The following IL1RAPL1 variants were observed in gnomAD, a reference collection of about 807,000 sequenced individuals.
IL1RAPL1 encodes interleukin-1 receptor accessory protein-like 1.
A neutral mutation model predicts 48.4 loss-of-function variants in IL1RAPL1; 3 were observed. The observed-to-expected ratio is 0.06, with a 90% CI of 0.03 to 0.16. IL1RAPL1 has a LOEUF of 0.16. IL1RAPL1 is among the 10% of genes least tolerant of loss of function. The probability of loss-of-function intolerance (pLI) is 1.00; values close to 1 mark genes in which losing one functional copy is unlikely to be tolerated. For missense variants in IL1RAPL1, 349 were observed against 530.6 expected, an observed-to-expected ratio of 0.66 and a Z score of 3.36; for synonymous variants, 185 against 187.7, an observed-to-expected ratio of 0.99 and a Z score of 0.12.
At chrX:29,246,468 G>A (rs1172877817) in intron 2 of IL1RAPL1, among the ~76,000 whole-genome samples, 2 of 110,612 alleles carry the variant, frequency 1.8e-5, no homozygotes, top group African/African-American at 6.6e-5. Flanking sequence ...CAGCTGATGA[G>A]GGGATTTTCA....
At chrX:29,492,522 A>G (rs1454208079) in intron 5 of IL1RAPL1, among the ~76,000 whole-genome samples, 1 of 111,491 alleles carries the variant, frequency 9.0e-6, no homozygotes, top group Non-Finnish European at 1.9e-5. Flanking sequence ...TCCTTGGCTC[A>G]TGGTCCCTTC....
At chrX:28,677,925 A>G (rs1168149401) in intron 1 of IL1RAPL1, among the ~76,000 whole-genome samples, 1 of 111,196 alleles carries the variant, frequency 9.0e-6, no homozygotes, top group Non-Finnish European at 1.9e-5. Context: ...GAAGTTGCAG[A>G]GCAATGTCAT....
chrX:29,379,612 C>T (rs1933668448), intron 3 of IL1RAPL1, among the ~76,000 whole-genome samples: 1 of 111,574 alleles, frequency 9.0e-6, no homozygotes, highest in African/African-American at 3.3e-5. Context: ...GTGGGCAGTC[C>T]CACAGCTTCT....
intron 2 of IL1RAPL1, among the ~76,000 whole-genome samples, chrX:29,133,322 G>C (rs985221320): frequency 1.8e-5 from 2 of 111,862 alleles, no homozygotes; most frequent in Non-Finnish European, 3.8e-5. Context: ...GGGAAACAAG[G>C]ACCCTGAAGG....
At chrX:29,822,459 C>CT (rs1171309110) in intron 6 of IL1RAPL1, among the ~76,000 whole-genome samples, 1,080 of 103,566 alleles carry the variant, frequency 0.01, 8 homozygotes, top group Middle Eastern at 0.015. Context: ...CAGATATACA[C>CT]TTTTTTTTTT....
intron 6 of IL1RAPL1, 32 bp from the exon 7 acceptor site, chrX:29,917,432 T>C (rs905665357): frequency 1.7e-6 from 2 of 1,199,161 alleles, no homozygotes; most frequent in African/African-American, 3.5e-5. Context: ...ACAAATAGTT[T>C]TATAACACTT....
At chrX:28,681,538 T>C (rs1292316088) in intron 1 of IL1RAPL1, among the ~76,000 whole-genome samples, 1 of 111,204 alleles carries the variant, frequency 9.0e-6, no homozygotes, top group Non-Finnish European at 1.9e-5. Flanking sequence ...GTTCAAAGGG[T>C]ACAATGTTTT....
chrX:29,512,518 C>T (rs940464407), intron 5 of IL1RAPL1, among the ~76,000 whole-genome samples: 4 of 80,288 alleles, frequency 5.0e-5, no homozygotes, highest in African/African-American at 1.3e-4. Flanking sequence ...TGTCAAATCT[C>T]GTTAATATTT....
At chrX:29,319,364 A>ATTTTTTT (rs762918998) in intron 3 of IL1RAPL1, among the ~76,000 whole-genome samples, 618 of 58,093 alleles carry the variant, frequency 0.011, 65 homozygotes, top group African/African-American at 0.042. Context: ...GATAAATTTA[A>ATTTTTTT]TTTTTTTTTT....
At chrX:29,618,234 T>C (rs1227631291) in intron 5 of IL1RAPL1, among the ~76,000 whole-genome samples, 2 of 112,106 alleles carry the variant, frequency 1.8e-5, no homozygotes, top group Non-Finnish European at 1.9e-5. Flanking sequence ...AGCCTTTAGG[T>C]TTTCTTCCCT....
chrX:28,984,810 A>G (rs923823042), intron 2 of IL1RAPL1, among the ~76,000 whole-genome samples: 1 of 112,012 alleles, frequency 8.9e-6, no homozygotes, highest in Non-Finnish European at 1.9e-5. Flanking sequence ...TGGGGGCTAT[A>G]TATTAGAATC....
intron 5 of IL1RAPL1, among the ~76,000 whole-genome samples, chrX:29,533,622 T>C (rs1008782859): frequency 6.3e-5 from 7 of 111,711 alleles, no homozygotes; most frequent in African/African-American, 2.3e-4. Context: ...AGGAGTGGAA[T>C]TGTTGGGTCA....
intron 6 of IL1RAPL1, among the ~76,000 whole-genome samples, chrX:29,719,743 C>CAAAAAA (rs372308075): frequency 9.1e-5 from 2 of 21,894 alleles, no homozygotes; most frequent in Non-Finnish European, 2.1e-4. Context: ...GAAAGATGAG[C>CAAAAAA]AAAAAAAAAA....
intron 6 of IL1RAPL1, among the ~76,000 whole-genome samples, chrX:29,776,655 A>G (rs1431217098): frequency 3.6e-5 from 4 of 112,026 alleles, no homozygotes; most frequent in Non-Finnish European, 7.5e-5. Context: ...AGAAAGTTAA[A>G]GGATACTTGG....
chrX:29,379,386 C>T, intron 3 of IL1RAPL1, among the ~76,000 whole-genome samples: 1 of 112,125 alleles, frequency 8.9e-6, no homozygotes, highest in Non-Finnish European at 1.9e-5. Context: ...TCAGTTGGGC[C>T]TAGAGATTCT....
In IL1RAPL1 at chrX:28,831,026, CTG is replaced by C. The variant is rs57923954; in HGVS notation, c.82+41651_82+41652del. On this transcript the variant is annotated intron_variant, in intron 2 of 10. Coordinates refer to ENST00000378993, the MANE Select transcript of IL1RAPL1 (RefSeq NM_014271.4). ...TCTCTCTCTCTCTCTCTCTCTCTCT[CTG>C]TGTGTGTGTGTGTGTGTGTGTGTGT... 9.1e-3 allele frequency among the ~76,000 whole-genome samples: 306 copies of C among 33,558 alleles called. 3 individuals carry two copies. The highest frequency in any genetic ancestry group is 0.02 in the African/African-American group (132 of 6,591). The allele number at this position is 33,558 out of a possible 115,157, so 29.1% of individuals were successfully genotyped here.
chrX:29,759,286 C>G (rs1928698141), intron 6 of IL1RAPL1, among the ~76,000 whole-genome samples: 1 of 111,865 alleles, frequency 8.9e-6, no homozygotes, highest in Non-Finnish European at 1.9e-5. Flanking sequence ...TGACATGTAG[C>G]TTGAAAAAAT....
intron 6 of IL1RAPL1, among the ~76,000 whole-genome samples, chrX:29,732,417 C>T (rs1053674073): frequency 2.7e-5 from 3 of 111,633 alleles, no homozygotes; most frequent in Non-Finnish European, 5.6e-5. Context: ...ATATAAAAGT[C>T]ACGATCCATT....
intron 6 of IL1RAPL1, among the ~76,000 whole-genome samples, chrX:29,885,154 C>T (rs750838888): frequency 8.9e-6 from 1 of 111,835 alleles, no homozygotes; most frequent in South Asian, 3.7e-4. Flanking sequence ...GACCTTTGTA[C>T]TCACTGCCTG....
Sources: allele counts gnomAD v4.1 joint callset (sites outside exome capture counted in the v4.1 genomes callset), GRCh38; gene constraint gnomAD v4.1.1; transcripts MANE v1.5; gene names NCBI Gene and HGNC (gene_info 2026-07-23, HGNC 2026-07-21).